The following SLC25A21 variants were observed in gnomAD, a reference collection of about 807,000 sequenced individuals.
The protein encoded by SLC25A21 is mitochondrial 2-oxodicarboxylate carrier.
A neutral mutation model predicts 43.8 loss-of-function variants in SLC25A21; 47 were observed. The ratio of observed to expected loss-of-function variants is 1.07; its 90% CI spans 0.85 to 1.37. The LOEUF (loss-of-function observed/expected upper bound fraction) is 1.37, where lower values mean the gene tolerates loss of function less well. Among genes scored for constraint, SLC25A21 ranks in the 40% most tolerant of loss-of-function variants. The probability of loss-of-function intolerance (pLI) is 0.00; values close to 1 mark genes in which losing one functional copy is unlikely to be tolerated. For synonymous variants in SLC25A21, 131 were observed against 121.3 expected, an observed-to-expected ratio of 1.08 and a Z score of -0.52; for missense variants, 352 against 350.2, an observed-to-expected ratio of 1.00 and a Z score of -0.04.
intron 3 of SLC25A21, among the ~76,000 whole-genome samples, chr14:36,778,794 T>C (rs79761763): frequency 6.6e-6 from 1 of 152,352 alleles, no homozygotes; most frequent in African/African-American, 2.4e-5. Context: ...AATTAACATA[T>C]TCTTCACCTC....
chr14:36,780,526 G>A (rs1370622817), intron 3 of SLC25A21, among the ~76,000 whole-genome samples: 1 of 151,928 alleles, frequency 6.6e-6, no homozygotes, highest in Non-Finnish European at 1.5e-5. Flanking sequence ...TTGGTGTGAT[G>A]TGTTTTTATT....
chr14:36,996,072 C>T (rs979431695), intron 1 of SLC25A21, among the ~76,000 whole-genome samples: 2 of 152,162 alleles, frequency 1.3e-5, no homozygotes, highest in African/African-American at 4.8e-5. Flanking sequence ...TGTGACCCTC[C>T]TCCTATACTA....
chr14:36,888,076 TCA>T (rs1190514459), intron 1 of SLC25A21, among the ~76,000 whole-genome samples: 3 of 152,156 alleles, frequency 2.0e-5, no homozygotes, highest in Non-Finnish European at 4.4e-5. Context: ...ATGCTATAAA[TCA>T]CAGTTTTTGT....
chr14:36,748,616 TG>T, intron 3 of SLC25A21, among the ~76,000 whole-genome samples: 1 of 152,220 alleles, frequency 6.6e-6, no homozygotes, highest in Non-Finnish European at 1.5e-5. Context: ...TCCTATGAGT[TG>T]GATAAACTAA....
At chr14:36,918,136 T>G (rs1891881429) in intron 1 of SLC25A21, among the ~76,000 whole-genome samples, 1 of 152,188 alleles carries the variant, frequency 6.6e-6, no homozygotes, top group African/African-American at 2.4e-5. Context: ...GAAACCTCCT[T>G]AAGTTCCTAC....
intron 1 of SLC25A21, among the ~76,000 whole-genome samples, chr14:36,878,514 C>T (rs977360732): frequency 6.6e-6 from 1 of 152,006 alleles, no homozygotes; most frequent in Non-Finnish European, 1.5e-5. Context: ...GACTGTGAGA[C>T]CCTGATTATT....
intron 1 of SLC25A21, among the ~76,000 whole-genome samples, chr14:36,954,515 AT>A (rs1300298728): frequency 6.6e-6 from 1 of 151,560 alleles, no homozygotes; most frequent in African/African-American, 2.4e-5. Flanking sequence ...AATAATATAT[AT>A]TTAATTGGAA....
chr14:37,156,295 C>T (rs1182882537), intron 1 of SLC25A21, among the ~76,000 whole-genome samples: 1 of 151,464 alleles, frequency 6.6e-6, no homozygotes, highest in African/African-American at 2.4e-5. Context: ...AAAAGATTCA[C>T]AGGTTCTAAA....
chr14:36,748,679 G>GTTTGTGGAC (rs1885590017), intron 3 of SLC25A21, among the ~76,000 whole-genome samples: 1 of 152,224 alleles, frequency 6.6e-6, no homozygotes, highest in Non-Finnish European at 1.5e-5. Context: ...CTAGGGCTTA[G>GTTTGTGGAC]TTTGTGGACT....
intron 4 of SLC25A21, among the ~76,000 whole-genome samples, chr14:36,731,758 C>T (rs1274812183): frequency 2.0e-5 from 3 of 152,176 alleles, no homozygotes; most frequent in African/African-American, 7.2e-5. Flanking sequence ...CAGCTGAACA[C>T]TTGAGGGGTC....
At chr14:36,999,487 G>A (rs1403843662) in intron 1 of SLC25A21, among the ~76,000 whole-genome samples, 2 of 152,066 alleles carry the variant, frequency 1.3e-5, no homozygotes, top group Non-Finnish European at 2.9e-5. Context: ...TGTACAACAC[G>A]AAGAGTGAAT....
chr14:37,168,019 C>A (rs375052792), intron 1 of SLC25A21, among the ~76,000 whole-genome samples: 1 of 152,042 alleles, frequency 6.6e-6, no homozygotes, highest in Non-Finnish European at 1.5e-5. Context: ...TTGATAAATC[C>A]GCTCGGTCTA....
At chr14:36,773,870 T>C (rs563285586) in intron 3 of SLC25A21, among the ~76,000 whole-genome samples, 1 of 152,286 alleles carries the variant, frequency 6.6e-6, no homozygotes, top group East Asian at 1.9e-4. Context: ...TTCATAATGG[T>C]AGGGAAAAAC....
At chr14:36,703,706 G>T (rs910419073) in intron 7 of SLC25A21, among the ~76,000 whole-genome samples, 4 of 152,178 alleles carry the variant, frequency 2.6e-5, no homozygotes, top group Non-Finnish European at 4.4e-5. Flanking sequence ...CATATGAAAA[G>T]AAGTAAATAT....
intron 1 of SLC25A21, among the ~76,000 whole-genome samples, chr14:36,876,014 G>GGA (rs1329597347): frequency 4.6e-5 from 7 of 152,138 alleles, no homozygotes; most frequent in Non-Finnish European, 1.0e-4. Flanking sequence ...GAATGGACAA[G>GGA]GTAAGTATCA....
intron 2 of SLC25A21, among the ~76,000 whole-genome samples, chr14:36,830,473 T>C (rs896313585): frequency 1.3e-5 from 2 of 152,130 alleles, no homozygotes; most frequent in African/African-American, 4.8e-5. Context: ...CTTTTTTTTT[T>C]CTCTAATTAT....
intron 2 of SLC25A21, 65 bp from the exon 3 acceptor site, chr14:36,814,066 T>C: frequency 9.1e-7 from 1 of 1,094,236 alleles, no homozygotes; most frequent in Non-Finnish European, 1.4e-6. Context: ...TTCTCATTTT[T>C]TAAAGTCTTA....
At chr14:36,835,313 T>A (rs1490569218) in intron 2 of SLC25A21, among the ~76,000 whole-genome samples, 1 of 152,170 alleles carries the variant, frequency 6.6e-6, no homozygotes, top group Non-Finnish European at 1.5e-5. Context: ...CTACATGACA[T>A]TAACAAATTA....
At chr14:37,154,409 C>G (rs985207179) in intron 1 of SLC25A21, among the ~76,000 whole-genome samples, 3 of 151,804 alleles carry the variant, frequency 2.0e-5, no homozygotes, top group African/African-American at 7.3e-5. Flanking sequence ...AATAGGAAGA[C>G]GTGATTGTTA....
Sources: allele counts gnomAD v4.1 joint callset (sites outside exome capture counted in the v4.1 genomes callset), GRCh38; gene constraint gnomAD v4.1.1; transcripts MANE v1.5; gene names NCBI Gene and HGNC (gene_info 2026-07-23, HGNC 2026-07-21).